Variants in STXBP3 observed in about 807,000 individuals in gnomAD.
The protein encoded by STXBP3 is syntaxin-binding protein 3.
Under a neutral mutation model 85.7 loss-of-function variants are expected in STXBP3, and 41 were observed. The observed-to-expected ratio is 0.48, with a 90% CI of 0.37 to 0.62. The LOEUF (loss-of-function observed/expected upper bound fraction) is 0.62. Ranked by LOEUF, STXBP3 falls within the 20% of genes least tolerant of loss-of-function variation. The pLI, the probability that STXBP3 is intolerant of heterozygous loss-of-function variation, is 0.00. For missense variants in STXBP3, 563 were observed against 703.1 expected (o/e 0.80, Z 2.25); for synonymous variants, 229 against 231.7 (o/e 0.99, Z 0.10).
intron 6 of STXBP3, chr1:108,766,917 G>A: frequency 5.6e-6 from 3 of 532,072 alleles, no homozygotes; most frequent in Non-Finnish European, 1.1e-5. Flanking sequence ...ACTGTAATAT[G>A]GAACTGGGGA....
At chr1:108,756,815 T>C (rs1227180269) in intron 4 of STXBP3, 49 bp downstream of exon 4, 1 of 1,389,478 alleles carries the variant, frequency 7.2e-7, no homozygotes. Context: ...ATTTCACCAT[T>C]GTTATGGTTT....
chr1:108,783,380 C>T (rs986567447), intron 11 of STXBP3, among the ~76,000 whole-genome samples: 2 of 152,210 alleles, frequency 1.3e-5, no homozygotes, highest in Admixed American at 6.5e-5. Context: ...CTTGTCCTTT[C>T]CCTGTCAGTA....
chr1:108,784,390 A>C (rs1368498097), intron 11 of STXBP3, among the ~76,000 whole-genome samples: 4 of 152,188 alleles, frequency 2.6e-5, no homozygotes, highest in African/African-American at 9.6e-5. Flanking sequence ...AGGGAGAATG[A>C]GTGCCAAGCA....
At chr1:108,772,929 G>A (rs1662500535) in intron 7 of STXBP3, 110 bp downstream of exon 7, 1 of 1,069,528 alleles carries the variant, frequency 9.3e-7, no homozygotes, top group Non-Finnish European at 1.2e-6. Flanking sequence ...TATTTTCTTT[G>A]TATGATTACC....
chr1:108,767,311 G>A (rs1196349535), intron 6 of STXBP3: 1 of 232,320 alleles, frequency 4.3e-6, no homozygotes, highest in Non-Finnish European at 8.5e-6. Flanking sequence ...TCTTCAGCCA[G>A]TTTCCTATTG....
intron 6 of STXBP3, among the ~76,000 whole-genome samples, chr1:108,764,263 G>T (rs61797302): frequency 0.044 from 6,721 of 151,892 alleles, 205 homozygotes; most frequent in Admixed American, 0.068. Flanking sequence ...TATATATATA[G>T]AGAGAGATAC....
intron 11 of STXBP3, among the ~76,000 whole-genome samples, chr1:108,783,329 A>G (rs1662757517): frequency 6.6e-6 from 1 of 152,232 alleles, no homozygotes; most frequent in African/African-American, 2.4e-5. Flanking sequence ...ACCACTTTAA[A>G]TCAAGATACA....
At position 108,776,449 on chromosome 1, in the gene STXBP3, C is replaced by T. The variant is rs1013195632; in HGVS notation, c.684+26C>T. ...GTAATGTATGCAAGGCAAGTAATGA[C>T]TATGCATAAAGTCTGTCTTATTTCT... On this transcript the variant is annotated intron_variant, in intron 8 of 18. Coordinates refer to ENST00000370008, the MANE Select transcript of STXBP3 (RefSeq NM_007269.4). 2.6e-6 allele frequency: 4 copies of T among 1,526,648 alleles called. No homozygotes were observed. The African/African-American group carries it at 5.5e-5, about 21-fold the overall frequency. 94.6% of individuals were successfully genotyped at this position (1,526,648 alleles called of 1,614,324 possible).
intron 6 of STXBP3, among the ~76,000 whole-genome samples, chr1:108,765,728 G>A (rs1438592596): frequency 1.3e-5 from 2 of 151,678 alleles, no homozygotes; most frequent in African/African-American, 2.4e-5. Flanking sequence ...GTACCCCCAC[G>A]CGGGGCTAAT....
At chr1:108,775,155 C>T (rs1229955947) in intron 7 of STXBP3, among the ~76,000 whole-genome samples, 2 of 151,958 alleles carry the variant, frequency 1.3e-5, no homozygotes, top group Admixed American at 1.3e-4. Context: ...ATAGATGTTA[C>T]ATTATTTATT....
At chr1:108,775,369 C>G (rs528172346) in intron 7 of STXBP3, among the ~76,000 whole-genome samples, 2 of 152,036 alleles carry the variant, frequency 1.3e-5, no homozygotes, top group African/African-American at 4.8e-5. Flanking sequence ...GCATAATAGT[C>G]ACATCAGGGT....
chr1:108,779,759 T>C (rs1662675733), intron 9 of STXBP3: 1 of 156,566 alleles, frequency 6.4e-6, no homozygotes, highest in Non-Finnish European at 1.4e-5. Context: ...TGTTAGGCTA[T>C]AATTGTTCTG....
chr1:108,804,619 GGCAGGTTTT>G (rs1663291792), intron 17 of STXBP3, among the ~76,000 whole-genome samples: 1 of 152,124 alleles, frequency 6.6e-6, no homozygotes, highest in Non-Finnish European at 1.5e-5. Context: ...CATCCCTTCA[GGCAGGTTTT>G]GCATGTGCTT....
At position 108,795,051 on chromosome 1, in the gene STXBP3, G is replaced by A. The variant is rs1663061217; in HGVS notation, c.1110+144G>A. On this transcript the variant is annotated intron_variant, in intron 13 of 18. Coordinates refer to ENST00000370008, the MANE Select transcript of STXBP3 (RefSeq NM_007269.4). ...TCTTATCAGGGGAGCCACCTAGGCA[G>A]TATTTAATGTCATTCCCCGCTAACA... 5.2e-5 allele frequency: 31 copies of A among 595,910 alleles called. No individual in the cohort carries two copies. The East Asian group carries it at 8.5e-4, about 16-fold the overall frequency. 36.9% of individuals were successfully genotyped at this position (595,910 alleles called of 1,614,324 possible). A position where few individuals can be genotyped will look rare whatever the true frequency, so the allele number is the denominator to read the frequency against.
At chr1:108,780,415 G>C (rs1170790104) in intron 9 of STXBP3, 1 of 151,162 alleles carries the variant, frequency 6.6e-6, no homozygotes, top group African/African-American at 2.4e-5. Context: ...CTTTTAAGTA[G>C]ACTTATTTTT....
chr1:108,794,600 G>A (rs891943663), intron 12 of STXBP3, among the ~76,000 whole-genome samples: 3 of 152,192 alleles, frequency 2.0e-5, no homozygotes, highest in South Asian at 4.1e-4. Flanking sequence ...AACACATGGG[G>A]ATTATGGGAA....
At chr1:108,746,808 T>A in intron 1 of STXBP3, 22 bp downstream of exon 1, 2 of 1,532,870 alleles carry the variant, frequency 1.3e-6, no homozygotes, top group Middle Eastern at 2.0e-4. Flanking sequence ...GGGGTAGGGG[T>A]TGAGAGAGGG....
chr1:108,807,439 G>A lies in STXBP3; in HGVS notation c.1574G>A (p.Arg525Gln), dbSNP rs750985636. 1.5e-5 allele frequency: 24 copies of A among 1,610,798 alleles called. No individual in the cohort carries two copies. The East Asian group carries it at 3.6e-4, about 24-fold the overall frequency. Residue 525 changes from arginine to glutamine, a missense_variant, in exon 18 of 19, where the codon CGA (arginine) becomes CAA (glutamine). Coordinates refer to ENST00000370008, the MANE Select transcript of STXBP3 (RefSeq NM_007269.4). ...CCCAGAGCTAATTATTTAGAAGACC[G>A]AAAAAATGGGTCAAAGCTGATTGTT... The part of the protein sequence containing the change: ...QKPRANYLED[R>Q]KNGSKLIVFV...
At chr1:108,778,465 A>G (rs561076775) in intron 8 of STXBP3, among the ~76,000 whole-genome samples, 6 of 152,332 alleles carry the variant, frequency 3.9e-5, no homozygotes, top group Non-Finnish European at 8.8e-5. Context: ...GGATAAGAGC[A>G]CAGATGTTGG....
Sources: gnomAD v4.1 joint callset for allele counts (sites outside exome capture counted in the v4.1 genomes callset) on GRCh38, gnomAD v4.1.1 for gene constraint, MANE v1.5 for transcripts, NCBI Gene and HGNC (gene_info 2026-07-23, HGNC 2026-07-21) for gene names.